The following UNC5B variants were observed in gnomAD, a reference collection of about 807,000 sequenced individuals.
UNC5B encodes netrin receptor UNC5B.
UNC5B carries 56 observed loss-of-function variants against 103.7 expected under a neutral mutation model. The observed-to-expected ratio is 0.54, with a 90% CI of 0.44 to 0.67. The LOEUF (loss-of-function observed/expected upper bound fraction) is 0.67. Among genes scored for constraint, UNC5B ranks in the 30% least tolerant of loss-of-function variants. UNC5B has a pLI of 0.00. For synonymous variants in UNC5B, 577 were observed against 542.0 expected (o/e 1.06, Z -0.90); for missense variants, 1,194 against 1,284.5 (o/e 0.93, Z 1.08).
Position 71,291,741 on chromosome 10 carries a change from T to G in UNC5B, c.1604T>G (p.Leu535Trp), listed in dbSNP as rs535702705. 1.4e-5 allele frequency: 23 copies of G among 1,611,426 alleles called. No individual in the cohort carries two copies. In the East Asian group the frequency reaches 4.7e-4, roughly 33 times the overall value. Residue 535 changes from leucine to tryptophan, a missense_variant, in exon 10 of 17, where the codon TTG becomes TGG. By Grantham distance (61) the Leu-to-Trp change is moderately conservative. Coordinates refer to ENST00000335350, the MANE Select transcript of UNC5B (RefSeq NM_170744.5). Reference protein sequence around the residue: ...RSASLGSQQLLGLPRDPGSSV... With the variant: ...RSASLGSQQLWGLPRDPGSSV... ...GCCAGCCTCGGTTCCCAGCAGCTCT[T>G]GGGCCTGCCCCGAGACCCAGGGAGC...
At chr10:71,260,973 C>T (rs1196123012) in intron 1 of UNC5B, among the ~76,000 whole-genome samples, 1 of 152,240 alleles carries the variant, frequency 6.6e-6, no homozygotes, top group Admixed American at 6.5e-5. Context: ...TTACGAAAGC[C>T]ACCTTCTGGT....
chr10:71,290,315 A>G (rs1001124040), intron 8 of UNC5B, among the ~76,000 whole-genome samples: 3 of 152,102 alleles, frequency 2.0e-5, no homozygotes, highest in African/African-American at 7.2e-5. Context: ...AGGAAAGTGT[A>G]GCCGTGGGTT....
chr10:71,277,689 T>G (rs1472297746), intron 1 of UNC5B, among the ~76,000 whole-genome samples: 1 of 152,220 alleles, frequency 6.6e-6, no homozygotes, highest in Non-Finnish European at 1.5e-5. Flanking sequence ...CTATAGTGAA[T>G]GTATCCCTGT....
At chr10:71,256,003 G>A (rs907046700) in intron 1 of UNC5B, among the ~76,000 whole-genome samples, 5 of 152,194 alleles carry the variant, frequency 3.3e-5, no homozygotes, top group South Asian at 2.1e-4. Context: ...ACATTTGTTC[G>A]GTTGGGCGGG....
At chr10:71,268,219 T>G (rs1844563784) in intron 1 of UNC5B, among the ~76,000 whole-genome samples, 1 of 152,212 alleles carries the variant, frequency 6.6e-6, no homozygotes, top group Non-Finnish European at 1.5e-5. Context: ...GGGCTCTTTC[T>G]CCCTCTCCTC....
intron 14 of UNC5B, among the ~76,000 whole-genome samples, chr10:71,296,331 C>G (rs970390636): frequency 6.6e-6 from 1 of 152,182 alleles, no homozygotes; most frequent in African/African-American, 2.4e-5. Context: ...GACCACAAGG[C>G]CCCCTAGCCC....
intron 1 of UNC5B, among the ~76,000 whole-genome samples, chr10:71,275,265 C>A (rs1034260528): frequency 6.6e-6 from 1 of 152,308 alleles, no homozygotes; most frequent in South Asian, 2.1e-4. Context: ...TGGGAAAAAA[C>A]ACTTCATGTG....
intron 1 of UNC5B, among the ~76,000 whole-genome samples, chr10:71,221,989 G>GTC (rs1843461158): frequency 6.6e-6 from 1 of 151,378 alleles, no homozygotes; most frequent in African/African-American, 2.4e-5. Flanking sequence ...ATTCACTACT[G>GTC]TCATCATCAT....
chr10:71,298,227 A>G (rs1462973039), intron 16 of UNC5B, 137 bp downstream of exon 16: 12 of 982,254 alleles, frequency 1.2e-5, no homozygotes, highest in Non-Finnish European at 1.8e-5. Context: ...GTGGCAAATC[A>G]GCAACTCAGG....
Position 71,215,747 on chromosome 10 carries a change from A to C in UNC5B, c.79+2683A>C, listed in dbSNP as rs1319868021. 4.6e-5 allele frequency among the ~76,000 whole-genome samples: 7 copies of C among 152,088 alleles called. No homozygotes were observed. The East Asian group carries it at 7.7e-4, about 17-fold the overall frequency. Reference sequence around the variant, plus strand: ...ATGGTTGAGAAGGAGTCGAGGTGTCAAGATAATACTTCTTTTTAAGGTGCA... The same window carrying C: ...ATGGTTGAGAAGGAGTCGAGGTGTCCAGATAATACTTCTTTTTAAGGTGCA... On this transcript the variant is annotated intron_variant, in intron 1 of 16. Transcript: ENST00000335350.
intron 5 of UNC5B, 98 bp downstream of exon 5, chr10:71,286,967 G>C: frequency 6.8e-7 from 1 of 1,472,212 alleles, no homozygotes; most frequent in South Asian, 1.3e-5. Flanking sequence ...GGAGGATGCA[G>C]CCCAGAGAGG....
At chr10:71,242,818 C>T (rs1010326239) in intron 1 of UNC5B, among the ~76,000 whole-genome samples, 3 of 152,156 alleles carry the variant, frequency 2.0e-5, no homozygotes, top group Non-Finnish European at 2.9e-5. Context: ...GGAGACGGGG[C>T]CACGGTGTCA....
intron 1 of UNC5B, among the ~76,000 whole-genome samples, chr10:71,253,840 C>T (rs1473102761): frequency 1.3e-5 from 2 of 152,116 alleles, no homozygotes; most frequent in East Asian, 1.9e-4. Flanking sequence ...AGCTGGTTCA[C>T]GCATGTCTCC....
intron 1 of UNC5B, among the ~76,000 whole-genome samples, chr10:71,229,679 C>T (rs905361462): frequency 6.6e-6 from 1 of 152,234 alleles, no homozygotes; most frequent in Admixed American, 6.5e-5. Flanking sequence ...GGGCATCTCC[C>T]TCTCACTTCC....
chr10:71,249,033 C>T lies in UNC5B; in HGVS notation c.80-30788C>T, dbSNP rs998672687. On this transcript the variant is annotated intron_variant, in intron 1 of 16. Transcript: ENST00000335350. ...GGCCAGGTGATCCCAAACATAGCTC[C>T]CTCTGGCAAAGAGGCTACTGGGCCC... Among the ~76,000 whole-genome samples the T allele has an allele frequency of 7.2e-5, 11 of 152,308 alleles. No individual in the cohort carries two copies. The East Asian group carries it at 1.9e-3, about 27-fold the overall frequency.
chr10:71,286,677 C>A lies in UNC5B; in HGVS notation c.553-12C>A. On this transcript the variant is annotated splice_polypyrimidine_tract_variant and intron_variant, in intron 4 of 16. Transcript: ENST00000335350. ...CTGGGCCCTCACTGCCCCCTCACCC[C>A]CACTCTTGCAGGTGGAATGGCTCAA... 1 of 1,613,932 alleles carries A rather than the reference C, an allele frequency of 6.2e-7. No homozygotes were observed. Among genetic ancestry groups the A allele is most frequent in the Non-Finnish European group, 8.5e-7 (1 of 1,179,834 alleles).
At position 71,223,159 on chromosome 10, in the gene UNC5B, C is replaced by T. The variant is rs115081050; in HGVS notation, c.79+10095C>T. Reference sequence around the variant, plus strand: ...CAGGGGCAGCCAGCATGGATTGAAACGACTAGGTGATGGCAGAGCAGCCAT... The same window carrying T: ...CAGGGGCAGCCAGCATGGATTGAAATGACTAGGTGATGGCAGAGCAGCCAT... On this transcript the variant is annotated intron_variant, in intron 1 of 16. Coordinates refer to ENST00000335350, the MANE Select transcript of UNC5B (RefSeq NM_170744.5). 1.1e-3 allele frequency among the ~76,000 whole-genome samples: 175 copies of T among 152,278 alleles called. 2 individuals are homozygous for T. Among genetic ancestry groups the T allele is most frequent in the African/African-American group, 3.9e-3 (162 of 41,542 alleles).
At chr10:71,214,936 G>A (rs1157281172) in intron 1 of UNC5B, among the ~76,000 whole-genome samples, 1 of 152,210 alleles carries the variant, frequency 6.6e-6, no homozygotes, top group African/African-American at 2.4e-5. Context: ...GCGAGCAGAA[G>A]CGGTGTTGGA....
At chr10:71,296,494 T>A in intron 14 of UNC5B, 84 bp from the exon 15 acceptor site, 4 of 1,508,372 alleles carry the variant, frequency 2.7e-6, no homozygotes, top group Non-Finnish European at 2.7e-6. Context: ...CCCCCAAAGC[T>A]CCCAACCCTC....
Sources: allele counts gnomAD v4.1 joint callset (sites outside exome capture counted in the v4.1 genomes callset), GRCh38; gene constraint gnomAD v4.1.1; transcripts MANE v1.5; gene names NCBI Gene and HGNC (gene_info 2026-07-23, HGNC 2026-07-21).